The following MBOAT2 variants were observed in gnomAD, a reference collection of about 807,000 sequenced individuals.
MBOAT2 encodes membrane-bound glycerophospholipid O-acyltransferase 2.
Under a neutral mutation model 63.4 loss-of-function variants are expected in MBOAT2, and 28 were observed. The observed-to-expected ratio is 0.44, with a 90% CI of 0.33 to 0.61. MBOAT2 has a LOEUF of 0.61. MBOAT2 is among the 20% of genes least tolerant of loss of function. MBOAT2 has a pLI of 0.03. For missense variants in MBOAT2, 470 were observed against 605.8 expected (o/e 0.78, Z 2.35); for synonymous variants, 211 against 215.6 (o/e 0.98, Z 0.19).
chr2:8,914,666 C>G (rs2148598476), intron 3 of MBOAT2, among the ~76,000 whole-genome samples: 1 of 152,040 alleles, frequency 6.6e-6, no homozygotes, highest in Non-Finnish European at 1.5e-5. Flanking sequence ...CCTAGAAAGC[C>G]AGTTAGTTGT....
chr2:8,963,025 T>C (rs560191833), intron 1 of MBOAT2, among the ~76,000 whole-genome samples: 6 of 152,140 alleles, frequency 3.9e-5, no homozygotes, highest in Non-Finnish European at 8.8e-5. Flanking sequence ...GGAAGATCAC[T>C]TGAATCCAGG....
chr2:8,875,759 A>T (rs1056014059), intron 7 of MBOAT2, among the ~76,000 whole-genome samples: 1 of 152,222 alleles, frequency 6.6e-6, no homozygotes, highest in Admixed American at 6.5e-5. Context: ...GTCATCCTGG[A>T]GATACAAAAC....
intron 1 of MBOAT2, among the ~76,000 whole-genome samples, chr2:8,959,898 G>A (rs150249920): frequency 7.2e-5 from 11 of 152,272 alleles, no homozygotes; most frequent in African/African-American, 2.6e-4. Context: ...AACAATCAGT[G>A]TTTCAGGCAC....
At chr2:8,977,200 T>C (rs994065475) in intron 1 of MBOAT2, among the ~76,000 whole-genome samples, 9 of 152,156 alleles carry the variant, frequency 5.9e-5, no homozygotes, top group African/African-American at 1.9e-4. Context: ...GTGTCACTTA[T>C]ACCTCAATAA....
chr2:8,978,443 TTTA>T (rs1168659021), intron 1 of MBOAT2, among the ~76,000 whole-genome samples: 3 of 152,272 alleles, frequency 2.0e-5, no homozygotes, highest in East Asian at 1.9e-4. Context: ...ATTTTACTTA[TTTA>T]TTATATTTGC....
chr2:8,939,789 C>T (rs989375961), intron 3 of MBOAT2, among the ~76,000 whole-genome samples: 2 of 152,176 alleles, frequency 1.3e-5, no homozygotes, highest in Non-Finnish European at 2.9e-5. Context: ...TAAAACATCA[C>T]ATGATGTCAA....
intron 10 of MBOAT2, among the ~76,000 whole-genome samples, chr2:8,863,755 A>G (rs1394771558): frequency 6.6e-5 from 10 of 152,202 alleles, no homozygotes; most frequent in Non-Finnish European, 1.5e-5. Context: ...CTTGCCTAAC[A>G]AATAAAGATT....
chr2:9,002,774 G>A (rs1672794646), intron 1 of MBOAT2, among the ~76,000 whole-genome samples: 1 of 152,104 alleles, frequency 6.6e-6, no homozygotes, highest in African/African-American at 2.4e-5. Flanking sequence ...AAACTCGATT[G>A]GCCTCATTTA....
rs551768981 is a variant in MBOAT2, at chr2:9,002,657, G to A, written c.75+883C>T. On this transcript the variant is annotated intron_variant, in intron 1 of 12. Coordinates refer to ENST00000305997, the MANE Select transcript of MBOAT2 (RefSeq NM_138799.4). ...ATTAACAACTTCCCTAAATCTCACTGTCACAACAAAATACTTCCAAACTTT... is the reference window on the plus strand; with the variant it reads ...ATTAACAACTTCCCTAAATCTCACTATCACAACAAAATACTTCCAAACTTT... Among the ~76,000 whole-genome samples the A allele has an allele frequency of 3.6e-5, 5 of 138,116 alleles. No individual in the cohort carries two copies. In the South Asian group the frequency reaches 1.1e-3, roughly 30 times the overall value. The allele number at this position is 138,116 out of a possible 152,430, so 90.6% of individuals were successfully genotyped here.
intron 1 of MBOAT2, among the ~76,000 whole-genome samples, chr2:8,983,939 T>TA (rs1367278026): frequency 6.6e-6 from 1 of 152,180 alleles, no homozygotes; most frequent in Admixed American, 6.5e-5. Context: ...AATCTCAGCA[T>TA]ACAGAAGACT....
intron 1 of MBOAT2, among the ~76,000 whole-genome samples, chr2:8,970,322 T>C (rs1028613266): frequency 6.6e-5 from 10 of 152,064 alleles, no homozygotes; most frequent in South Asian, 4.1e-4. Context: ...TTGAAACCAA[T>C]GAGAACAAAG....
intron 1 of MBOAT2, among the ~76,000 whole-genome samples, chr2:8,960,666 A>G (rs1289651326): frequency 6.6e-6 from 1 of 152,212 alleles, no homozygotes; most frequent in Non-Finnish European, 1.5e-5. Flanking sequence ...GAGTATGTCA[A>G]GGACCACACA....
At chr2:8,917,533 G>A (rs1175390575) in intron 3 of MBOAT2, among the ~76,000 whole-genome samples, 1 of 152,146 alleles carries the variant, frequency 6.6e-6, no homozygotes, top group Non-Finnish European at 1.5e-5. Flanking sequence ...AAATCATAAT[G>A]AAATATCACC....
At chr2:8,863,166 T>G (rs1024565767) in intron 10 of MBOAT2, among the ~76,000 whole-genome samples, 12 of 152,040 alleles carry the variant, frequency 7.9e-5, no homozygotes, top group Admixed American at 7.9e-4. Flanking sequence ...CAGCTGAAAA[T>G]AAAGTTTCCC....
intron 1 of MBOAT2, among the ~76,000 whole-genome samples, chr2:8,985,393 C>T (rs1671497975): frequency 6.6e-6 from 1 of 151,974 alleles, no homozygotes; most frequent in African/African-American, 2.4e-5. Flanking sequence ...AATGTGTGAC[C>T]CCCAAATAGA....
intron 2 of MBOAT2, among the ~76,000 whole-genome samples, chr2:8,951,529 T>C (rs1427657091): frequency 6.6e-6 from 1 of 152,174 alleles, no homozygotes; most frequent in Non-Finnish European, 1.5e-5. Flanking sequence ...GCACATCTAA[T>C]AGAAATCAGC....
At chr2:8,968,493 C>G (rs1670176006) in intron 1 of MBOAT2, among the ~76,000 whole-genome samples, 1 of 152,230 alleles carries the variant, frequency 6.6e-6, no homozygotes, top group South Asian at 2.1e-4. Context: ...CAAAGGAATG[C>G]AGCTCCTCGC....
In MBOAT2 at chr2:8,857,169, CA is replaced by C. The variant is rs201473548; in HGVS notation, c.*1509del. On this transcript the variant is annotated 3_prime_UTR_variant, in exon 13 of 13. Coordinates refer to ENST00000305997, the MANE Select transcript of MBOAT2 (RefSeq NM_138799.4). ...GAAAAAAAGAGAGAGAGAACCCCAT[CA>C]CAGAAAATTTGCATTTCATTAAAAA... 3,698 of 152,700 alleles carry C rather than the reference CA, an allele frequency of 0.024. 68 individuals are homozygous for C. The highest frequency in any genetic ancestry group is 0.088 in the Middle Eastern group (26 of 294). 9.5% of individuals were successfully genotyped at this position (152,700 alleles called of 1,614,324 possible).
At chr2:8,864,045 G>T in intron 10 of MBOAT2, 125 bp downstream of exon 10, 1 of 632,172 alleles carries the variant, frequency 1.6e-6, no homozygotes, top group Non-Finnish European at 2.7e-6. Flanking sequence ...GTGTTTCCCG[G>T]CTGACACTGA....
Sources: gnomAD v4.1 joint callset for allele counts (sites outside exome capture counted in the v4.1 genomes callset) on GRCh38, gnomAD v4.1.1 for gene constraint, MANE v1.5 for transcripts, NCBI Gene and HGNC (gene_info 2026-07-23, HGNC 2026-07-21) for gene names.